Variants in NRG1 observed in about 807,000 individuals in gnomAD.
NRG1 encodes the protein neuregulin 1, also known as pro-neuregulin-1, membrane-bound isoform.
Under a neutral mutation model 63.8 loss-of-function variants are expected in NRG1, and 18 were observed. That is an observed-to-expected ratio of 0.28 (90% confidence interval 0.19 to 0.42). The LOEUF (loss-of-function observed/expected upper bound fraction) is 0.42, where lower values mean the gene tolerates loss of function less well. NRG1 is among the 10% of genes least tolerant of loss of function. The pLI is 1.00. For synonymous variants in NRG1, 302 were observed against 301.3 expected (o/e 1.00, Z -0.02); for missense variants, 762 against 814.7 (o/e 0.94, Z 0.79).
At chr8:32,320,716 G>T (rs1306745438) in intron 1 of NRG1, among the ~76,000 whole-genome samples, 1 of 152,136 alleles carries the variant, frequency 6.6e-6, no homozygotes, top group African/African-American at 2.4e-5. Context: ...TGAGATTTGG[G>T]TGGGGACACA....
intron 5 of NRG1, among the ~76,000 whole-genome samples, chr8:32,712,405 T>C (rs1056994178): frequency 3.9e-5 from 6 of 152,208 alleles, no homozygotes; most frequent in Non-Finnish European, 8.8e-5. Flanking sequence ...AAAGGAGTTG[T>C]AAGTAAGGAG....
At position 31,918,369 on chromosome 8, in the gene NRG1, A is replaced by C. The variant is rs554562012; in HGVS notation, c.37+278938A>C. 6.2e-3 allele frequency among the ~76,000 whole-genome samples: 947 copies of C among 152,324 alleles called. 5 individuals are homozygous for C. The highest frequency in any genetic ancestry group is 7.9e-3 in the Non-Finnish European group (538 of 68,036). On this transcript the variant is annotated intron_variant, in intron 1 of 10. Transcript: ENST00000519301. ...TAGATAGCTCTTATTATTTTGAAAT[A>C]TGTCCCATCGATACCTAATTTGTTG...
chr8:31,645,921 A>G (rs934155635), intron 1 of NRG1, among the ~76,000 whole-genome samples: 2 of 152,158 alleles, frequency 1.3e-5, no homozygotes, highest in Admixed American at 6.5e-5. Context: ...CCCTATGAAG[A>G]TACTACAGGG....
intron 1 of NRG1, among the ~76,000 whole-genome samples, chr8:32,000,080 A>C (rs996097970): frequency 2.6e-5 from 4 of 152,022 alleles, no homozygotes; most frequent in Non-Finnish European, 5.9e-5. Context: ...GATGGGGCAG[A>C]AGGTAGCTAT....
At chr8:32,669,546 A>G (rs1805087561) in intron 5 of NRG1, among the ~76,000 whole-genome samples, 1 of 152,214 alleles carries the variant, frequency 6.6e-6, no homozygotes, top group South Asian at 2.1e-4. Context: ...AAAGAAGGAG[A>G]TAAGTAAAGT....
chr8:32,549,427 C>A (rs147328944), intron 1 of NRG1, among the ~76,000 whole-genome samples: 325 of 152,284 alleles, frequency 2.1e-3, no homozygotes, highest in African/African-American at 7.4e-3. Context: ...TCAAGAGCAG[C>A]GGCAGGGATT....
intron 7 of NRG1, among the ~76,000 whole-genome samples, chr8:32,746,513 A>C (rs1287206969): frequency 1.3e-5 from 2 of 152,182 alleles, no homozygotes; most frequent in Non-Finnish European, 2.9e-5. Context: ...CTTTAATGCA[A>C]TTGAAAATTT....
At chr8:31,927,804 G>C (rs1834508409) in intron 1 of NRG1, among the ~76,000 whole-genome samples, 1 of 150,760 alleles carries the variant, frequency 6.6e-6, no homozygotes, top group Admixed American at 6.6e-5. Context: ...TTCAACCAAA[G>C]TTGAGGAATT....
At chr8:32,315,572 T>C (rs1857293437) in intron 1 of NRG1, among the ~76,000 whole-genome samples, 1 of 152,224 alleles carries the variant, frequency 6.6e-6, no homozygotes, top group Admixed American at 6.5e-5. Context: ...TCACTGTCTA[T>C]CAGAAAACTG....
At chr8:32,364,017 A>G (rs979256609) in intron 1 of NRG1, among the ~76,000 whole-genome samples, 3 of 150,612 alleles carry the variant, frequency 2.0e-5, no homozygotes, top group African/African-American at 7.3e-5. Context: ...CAAAAAATGT[A>G]CTATAATCCC....
intron 1 of NRG1, among the ~76,000 whole-genome samples, chr8:31,729,906 A>G (rs1813843652): frequency 6.6e-6 from 1 of 152,160 alleles, no homozygotes; most frequent in African/African-American, 2.4e-5. Flanking sequence ...GTTTATAGTT[A>G]TCCTGGAGGA....
At chr8:31,902,589 A>G (rs891129416) in intron 1 of NRG1, among the ~76,000 whole-genome samples, 5 of 152,194 alleles carry the variant, frequency 3.3e-5, no homozygotes, top group East Asian at 1.9e-4. Context: ...AGACGTTACT[A>G]TGAAAAGGAT....
intron 1 of NRG1, among the ~76,000 whole-genome samples, chr8:32,059,857 C>G (rs1823559037): frequency 6.6e-6 from 1 of 151,838 alleles, no homozygotes. Context: ...CCTCCATTTT[C>G]TCTCTTCTCT....
intron 1 of NRG1, among the ~76,000 whole-genome samples, chr8:31,990,916 C>T (rs1226511456): frequency 6.6e-6 from 1 of 152,068 alleles, no homozygotes; most frequent in Non-Finnish European, 1.5e-5. Context: ...GGAATTCCTT[C>T]TCACCCATTT....
chr8:31,888,633 A>G (rs977112577), intron 1 of NRG1, among the ~76,000 whole-genome samples: 1 of 150,660 alleles, frequency 6.6e-6, no homozygotes, highest in African/African-American at 2.4e-5. Context: ...ACTTCCAAAT[A>G]TTTACAGCTT....
chr8:32,436,418 T>G (rs1818794644), intron 1 of NRG1, among the ~76,000 whole-genome samples: 1 of 152,194 alleles, frequency 6.6e-6, no homozygotes, highest in African/African-American at 2.4e-5. Flanking sequence ...TCAATCTTCA[T>G]TCCTTAAGTT....
chr8:32,296,245 C>T (rs1854851219), intron 1 of NRG1, among the ~76,000 whole-genome samples: 1 of 151,956 alleles, frequency 6.6e-6, no homozygotes, highest in Admixed American at 6.6e-5. Flanking sequence ...ATTAATTTCT[C>T]CTATGAAAGA....
At chr8:32,279,377 G>A (rs962248701) in intron 1 of NRG1, among the ~76,000 whole-genome samples, 3 of 152,112 alleles carry the variant, frequency 2.0e-5, no homozygotes. Context: ...TTTTTGAGAC[G>A]GAGTCTCACT....
chr8:32,646,783 T>A (rs1028647966), intron 5 of NRG1: 1 of 985,100 alleles, frequency 1.0e-6, no homozygotes, highest in African/African-American at 1.7e-5. Context: ...CTTTATTCCT[T>A]CTAATTGGAT....
Sources: gnomAD v4.1 joint callset for allele counts (sites outside exome capture counted in the v4.1 genomes callset) on GRCh38, gnomAD v4.1.1 for gene constraint, MANE v1.5 for transcripts, NCBI Gene and HGNC (gene_info 2026-07-23, HGNC 2026-07-21) for gene names.